Variants in ESRP2 observed in about 807,000 individuals in gnomAD.
ESRP2 encodes the protein epithelial splicing regulatory protein 2, also known as RNA binding motif protein 35A.
Under a neutral mutation model 78.6 loss-of-function variants are expected in ESRP2, and 48 were observed. The observed-to-expected ratio is 0.61, with a 90% CI of 0.48 to 0.78. The LOEUF is 0.78. Among genes scored for constraint, ESRP2 ranks in the 30% least tolerant of loss-of-function variants. ESRP2 has a pLI of 0.00. For synonymous variants in ESRP2, 383 were observed against 406.7 expected, an observed-to-expected ratio of 0.94 and a Z score of 0.70; for missense variants, 863 against 965.9, an observed-to-expected ratio of 0.89 and a Z score of 1.41.
At chr16:68,230,638 C>T (rs2042116778) in intron 13 of ESRP2, 84 bp from the exon 14 acceptor site, 2 of 1,483,358 alleles carry the variant, frequency 1.3e-6, no homozygotes, top group Admixed American at 2.3e-5. Context: ...TTGTTTCTGC[C>T]TTGTGCTTAA....
At position 68,231,591 on chromosome 16, in the gene ESRP2, C is replaced by T. The variant is rs768101534; in HGVS notation, c.1403G>A (p.Arg468His). The change falls in exon 11 of 15, where the codon CGC (arginine) becomes CAC (histidine). Residue 468 changes from arginine (R) to histidine (H), a missense_variant. Transcript: ENST00000473183. The surrounding 1 kb of genome is among the most constrained non-coding windows in gnomAD (Gnocchi z 6.0). ...GGCCGTGTAGGGCAGGCCTCGGAGG[C>T]GTACACAGTCCCTCCCAGTCCCAGG... ...LAPGTGRDCV[R>H]LRGLPYTATI... is the part of the protein sequence containing the mutation. 4.4e-5 allele frequency: 71 copies of T among 1,613,880 alleles called. No individual in the cohort carries two copies. The Admixed American group carries it at 4.5e-4, about 10-fold the overall frequency.
At chr16:68,234,353 G>A (rs545527852) in intron 2 of ESRP2, 2 of 512,022 alleles carry the variant, frequency 3.9e-6, no homozygotes, top group African/African-American at 3.8e-5. Flanking sequence ...TATAACCGAA[G>A]CCCTCAACAC....
Position 68,231,749 on chromosome 16 carries a change from G to GGGCC in ESRP2, c.1299+49_1299+52dup, listed in dbSNP as rs2042143284. 6.3e-7 allele frequency: 1 copy of GGGCC among 1,595,216 alleles called. No homozygotes were observed. Among genetic ancestry groups the GGGCC allele is most frequent in the African/African-American group, 1.3e-5 (1 of 74,596 alleles). ...ATGCCAAGTAGGGCAGGGACACAGA[G>GGGCC]GGCCGCCCTGGAGTAACAGTACATC... is the stretch of plus-strand genomic sequence containing the variant. On this transcript the variant is annotated intron_variant, in intron 10 of 14. Coordinates refer to ENST00000473183, the MANE Select transcript of ESRP2 (RefSeq NM_024939.3). The surrounding 1 kb of genome is among the most constrained non-coding windows in gnomAD (Gnocchi z 6.0).
chr16:68,234,193 G>T, intron 2 of ESRP2, 86 bp from the exon 3 acceptor site: 1 of 1,049,324 alleles, frequency 9.5e-7, no homozygotes, highest in Non-Finnish European at 1.4e-6. Flanking sequence ...GAGGCAGGCT[G>T]CAAAGCTGGT....
Position 68,230,238 on chromosome 16 carries a change from C to G in ESRP2, c.2142G>C (p.Trp714Cys). ...CTGGCTTTCTCTCCTACAAACACAC[C>G]CATTCCTTGGGGGCTTGTAACACAG... ...PRTVLQAPKE[W>C]VCL The change falls in exon 15 of 15, where the codon TGG becomes TGC. Residue 714 changes from tryptophan (W) to cysteine (C), a missense_variant. Transcript: ENST00000473183. 1.2e-6 allele frequency: 2 copies of G among 1,614,154 alleles called. No homozygotes were observed. The highest frequency in any genetic ancestry group is 1.7e-6 in the Non-Finnish European group (2 of 1,180,016).
Position 68,235,745 on chromosome 16 carries a change from T to C in ESRP2, c.216A>G (p.Lys72=). The part of the protein sequence containing the change: ...PRSRQVGTLH[K]SLVRAEAAAL... ...CGGCCGCCTCGGCACGAACCAGCGATTTGTGCAGCGTCCCCACCTGTGAGC... is the reference window on the plus strand; with the variant it reads ...CGGCCGCCTCGGCACGAACCAGCGACTTGTGCAGCGTCCCCACCTGTGAGC... The change falls in exon 2 of 15, where the codon AAA becomes AAG. Residue 72 remains lysine, a synonymous_variant. Transcript: ENST00000473183. The surrounding 1 kb of genome is among the most constrained non-coding windows in gnomAD (Gnocchi z 5.5). 1 of 1,609,460 alleles carries C rather than the reference T, an allele frequency of 6.2e-7. No homozygotes were observed. The highest frequency in any genetic ancestry group is 1.1e-5 in the South Asian group (1 of 90,912).
In ESRP2 at chr16:68,235,774, G is replaced by A. The variant is rs750133626; in HGVS notation, c.199-12C>T. On this transcript the variant is annotated splice_polypyrimidine_tract_variant and intron_variant, in intron 1 of 14. Transcript: ENST00000473183. This position sits in a 1 kb window ranked among gnomAD's most constrained non-coding sequence, Gnocchi z 5.5. ...TGCAGCGTCCCCACCTGTGAGCGGC[G>A]GGGGAAACCGATCAGCCGCGCCCCT... The A allele has an allele frequency of 6.2e-7, 1 of 1,608,866 alleles. No individual in the cohort carries two copies. The highest frequency in any genetic ancestry group is 8.5e-7 in the Non-Finnish European group (1 of 1,178,388).
chr16:68,231,922 A>G lies in ESRP2; in HGVS notation c.1179T>C (p.Gly393=). ...CACAAGCAAAGAGGGCGAAGGCATCACCAGTCGGCCGGCCATCAGGATGGC... is the reference window on the plus strand; with the variant it reads ...CACAAGCAAAGAGGGCGAAGGCATCGCCAGTCGGCCGGCCATCAGGATGGC... ...FVRHPDGRPT[G]DAFALFACEE... The change falls in exon 10 of 15, where the codon GGT becomes GGC. Residue 393 remains glycine (G), a synonymous_variant. Transcript: ENST00000473183. The surrounding 1 kb of genome is among the most constrained non-coding windows in gnomAD (Gnocchi z 6.0). The G allele has an allele frequency of 6.2e-7, 1 of 1,614,050 alleles. No homozygotes were observed. Among genetic ancestry groups the G allele is most frequent in the Non-Finnish European group, 8.5e-7 (1 of 1,180,012 alleles).
chr16:68,235,367 G>A lies in ESRP2; in HGVS notation c.327+267C>T. ...GGCCTCGCTCCCCGGGCGGGAACTG[G>A]GGATGGATCCCAAAGCCTGCGTCCC... On this transcript the variant is annotated intron_variant, in intron 2 of 14. Transcript: ENST00000473183. This position sits in a 1 kb window ranked among gnomAD's most constrained non-coding sequence, Gnocchi z 5.5. The A allele has an allele frequency of 1.0e-6, 1 of 985,444 alleles. No homozygotes were observed. The highest frequency in any genetic ancestry group is 5.2e-4 in the Middle Eastern group (1 of 1,912). The allele number at this position is 985,444 out of a possible 1,614,324, so 61.0% of individuals were successfully genotyped here.
Position 68,234,122 on chromosome 16 carries a change from TGG to T in ESRP2, c.328-17_328-16del. ...AGCTGTGAGAACTGGGGATAGGGAA[TGG>T]GGAGAGAGAAACACACAGATTCACA... is the stretch of plus-strand genomic sequence containing the variant. On this transcript the variant is annotated splice_polypyrimidine_tract_variant and intron_variant, in intron 2 of 14. Coordinates refer to ENST00000473183, the MANE Select transcript of ESRP2 (RefSeq NM_024939.3). 1 of 1,584,416 alleles carries T rather than the reference TGG, an allele frequency of 6.3e-7. No individual in the cohort carries two copies.
rs565012522 is a variant in ESRP2 at position 68,230,629 on chromosome 16, T to C, written c.1899-75A>G. 6.1e-4 allele frequency: 903 copies of C among 1,489,534 alleles called. 9 individuals are homozygous for C. In the African/African-American group the frequency reaches 0.011, roughly 18 times the overall value. 92.3% of individuals were successfully genotyped at this position (1,489,534 alleles called of 1,614,324 possible). A position where few individuals can be genotyped will look rare whatever the true frequency, so the allele number is the denominator to read the frequency against. On this transcript the variant is annotated intron_variant, in intron 13 of 14. Coordinates refer to ENST00000473183, the MANE Select transcript of ESRP2 (RefSeq NM_024939.3). ...ACCGAGACCTGTTTCCCTCCTCCCT[T>C]GTTTCTGCCTTGTGCTTAATTCAGT...
intron 2 of ESRP2, chr16:68,234,321 A>G (rs1037980138): frequency 6.7e-5 from 38 of 567,980 alleles, no homozygotes; most frequent in African/African-American, 3.4e-4. Flanking sequence ...CACCTCCTCC[A>G]GGCCAAATGA....
chr16:68,233,345 G>A lies in ESRP2; in HGVS notation c.637C>T (p.Leu213=). Residue 213 remains leucine, a synonymous_variant, in exon 5 of 15, where the codon CTA becomes TTA. Coordinates refer to ENST00000473183, the MANE Select transcript of ESRP2 (RefSeq NM_024939.3). ...VKTMVAVILH[L]LKEPSSQLFS... ...ACCTTACTGCTGGGCTCTTTGAGTA[G>A]ATGGAGGATAACAGCTACCATTGTC... The A allele has an allele frequency of 2.5e-6, 4 of 1,613,920 alleles. No individual in the cohort carries two copies. The highest frequency in any genetic ancestry group is 3.4e-6 in the Non-Finnish European group (4 of 1,179,756).
rs552251668 is a variant in ESRP2, at chr16:68,230,941, G to A, written c.1798C>T (p.Leu600=). Residue 600 remains leucine, a synonymous_variant, in exon 13 of 15, where the codon CTG becomes TTG. Coordinates refer to ENST00000473183, the MANE Select transcript of ESRP2 (RefSeq NM_024939.3). ...ETAALYPSSA[L]LPAARVPAAP... Reference sequence around the variant, plus strand: ...GCAGGCACCCTGGCAGCTGGGAGCAGTGCTGAAGAGGGGTATAGAGCTGCC... The same window carrying A: ...GCAGGCACCCTGGCAGCTGGGAGCAATGCTGAAGAGGGGTATAGAGCTGCC... 6.2e-7 allele frequency: 1 copy of A among 1,613,030 alleles called. No individual in the cohort carries two copies. Among genetic ancestry groups the A allele is most frequent in the South Asian group, 1.1e-5 (1 of 90,942 alleles).
In ESRP2 at chr16:68,231,936, C is replaced by T; in HGVS notation, c.1165G>A (p.Gly389Ser). ...EGLLFVRHPD[G>S]RPTGDAFALF... ...GCGAAGGCATCACCAGTCGGCCGGC[C>T]ATCAGGATGGCGCACAAAGAGCAGC... is the stretch of plus-strand genomic sequence containing the variant. Residue 389 changes from glycine (G) to serine (S), a missense_variant, in exon 10 of 15, where the codon GGC becomes AGC. Physicochemically the swap from Gly to Ser is moderately conservative, Grantham distance 56. Coordinates refer to ENST00000473183, the MANE Select transcript of ESRP2 (RefSeq NM_024939.3). This position sits in a 1 kb window ranked among gnomAD's most constrained non-coding sequence, Gnocchi z 6.0. 1 of 1,614,114 alleles carries T rather than the reference C, an allele frequency of 6.2e-7. No homozygotes were observed. Among genetic ancestry groups the T allele is most frequent in the South Asian group, 1.1e-5 (1 of 91,088 alleles).
At position 68,232,848 on chromosome 16, in the gene ESRP2, C is replaced by G. The variant is rs1269462639; in HGVS notation, c.656-33G>C. 1.2e-6 allele frequency: 2 copies of G among 1,613,968 alleles called. No individual in the cohort carries two copies. The highest frequency in any genetic ancestry group is 1.3e-5 in the African/African-American group (1 of 74,930). ...AAGATGGCCTGGGGGTCAGCAGGGT[C>G]TGGTGGAGAGGGGTGTCCCCACCAA... is the stretch of plus-strand genomic sequence containing the variant. On this transcript the variant is annotated intron_variant, in intron 5 of 14. Transcript: ENST00000473183. This position sits in a 1 kb window ranked among gnomAD's most constrained non-coding sequence, Gnocchi z 5.2.
At position 68,236,058 on chromosome 16, in the gene ESRP2, AG is replaced by A; in HGVS notation, c.-14del. ...GCGGCGGAGTCATGGCCGCAGAGGAAGGGGGCTCTCGGCCAGACACGCGGAC... is the reference window on the plus strand; with the variant it reads ...GCGGCGGAGTCATGGCCGCAGAGGAAGGGGCTCTCGGCCAGACACGCGGAC... On this transcript the variant is annotated 5_prime_UTR_variant, in exon 1 of 15. Transcript: ENST00000473183. This position sits in a 1 kb window ranked among gnomAD's most constrained non-coding sequence, Gnocchi z 5.2. 7.0e-7 allele frequency: 1 copy of A among 1,418,534 alleles called. No individual in the cohort carries two copies. The highest frequency in any genetic ancestry group is 9.1e-7 in the Non-Finnish European group (1 of 1,099,058). The allele number at this position is 1,418,534 out of a possible 1,614,324, so 87.9% of individuals were successfully genotyped here. A position where few individuals can be genotyped will look rare whatever the true frequency, so the allele number is the denominator to read the frequency against.
chr16:68,231,457 T>TC lies in ESRP2; in HGVS notation c.1512+24dup, dbSNP rs749217075. 2.4e-5 allele frequency: 39 copies of TC among 1,613,752 alleles called. No individual in the cohort carries two copies. The African/African-American group carries it at 4.5e-4, about 19-fold the overall frequency. On this transcript the variant is annotated intron_variant, in intron 11 of 14. Transcript: ENST00000473183. The surrounding 1 kb of genome is among the most constrained non-coding windows in gnomAD (Gnocchi z 6.0). ...CACACACCCCTTCCTATTTATGTGT[T>TC]CCCCCTACCAAGCAGTGGCTTCACC...
At chr16:68,234,376 A>G in intron 2 of ESRP2, 1 of 414,514 alleles carries the variant, frequency 2.4e-6, no homozygotes. Context: ...ACACTCCAGG[A>G]GTTTGGAGTG....
Sources: gnomAD v4.1 joint callset for allele counts on GRCh38, gnomAD v4.1.1 for gene constraint, Gnocchi (gnomAD v3.1) non-coding constraint, MANE v1.5 for transcripts, NCBI Gene and HGNC (gene_info 2026-07-23, HGNC 2026-07-21) for gene names.